KLHL32: variants seen among roughly 807,000 people sequenced by gnomAD.
KLHL32 encodes kelch like family member 32.
A neutral mutation model predicts 64.8 loss-of-function variants in KLHL32; 35 were observed. That is an observed-to-expected ratio of 0.54 (90% CI 0.41 to 0.72). The LOEUF is 0.72. KLHL32 is among the 30% of genes least tolerant of loss of function. The pLI is 0.00. For synonymous variants in KLHL32, 259 were observed against 281.0 expected (o/e 0.92, Z 0.78); for missense variants, 589 against 768.5 (o/e 0.77, Z 2.76).
At chr6:97,024,216 A>G (rs1398878260) in intron 3 of KLHL32, among the ~76,000 whole-genome samples, 1 of 152,216 alleles carries the variant, frequency 6.6e-6, no homozygotes, top group Admixed American at 6.5e-5. Context: ...GGCATTTTAT[A>G]AACGGGCTGT....
chr6:97,095,867 A>T (rs1461269139), intron 6 of KLHL32, among the ~76,000 whole-genome samples: 1 of 152,202 alleles, frequency 6.6e-6, no homozygotes, highest in Non-Finnish European at 1.5e-5. Flanking sequence ...CTGTCTTCTG[A>T]AAAACAAAAC....
chr6:97,129,926 C>T (rs947208929), intron 8 of KLHL32, among the ~76,000 whole-genome samples: 2 of 151,942 alleles, frequency 1.3e-5, no homozygotes, highest in South Asian at 4.1e-4. Context: ...AGTCTTCCAC[C>T]AAAACAAATA....
chr6:97,103,836 A>G (rs1347352357), intron 6 of KLHL32, among the ~76,000 whole-genome samples: 1 of 152,222 alleles, frequency 6.6e-6, no homozygotes, highest in Non-Finnish European at 1.5e-5. Flanking sequence ...GAAACCTGTG[A>G]CTTGGGTACT....
chr6:97,013,909 G>T (rs1780745603), intron 3 of KLHL32, among the ~76,000 whole-genome samples: 1 of 152,146 alleles, frequency 6.6e-6, no homozygotes, highest in Admixed American at 6.5e-5. Flanking sequence ...TAAATTTGTT[G>T]TCCTAAAGTT....
intron 3 of KLHL32, among the ~76,000 whole-genome samples, chr6:97,032,328 G>A (rs989881250): frequency 6.6e-6 from 1 of 152,038 alleles, no homozygotes; most frequent in Non-Finnish European, 1.5e-5. Flanking sequence ...TAATTGTATT[G>A]ATATAAAATG....
At chr6:96,979,970 T>G (rs1468095651) in intron 3 of KLHL32, among the ~76,000 whole-genome samples, 1 of 149,126 alleles carries the variant, frequency 6.7e-6, no homozygotes, top group Non-Finnish European at 1.5e-5. Context: ...TTGGATGTTG[T>G]TGGTGTATAG....
chr6:96,903,792 G>A, the KLHL32 span, among the ~76,000 whole-genome samples: 6 of 152,156 alleles, frequency 3.9e-5, no homozygotes, highest in Non-Finnish European at 5.9e-5. Context: ...TTAGCTAACA[G>A]GGAATAGAAG....
At chr6:96,955,893 C>T (rs1053577635) in intron 1 of KLHL32, among the ~76,000 whole-genome samples, 14 of 152,158 alleles carry the variant, frequency 9.2e-5, no homozygotes, top group African/African-American at 3.1e-4. Context: ...GCCAAGATTG[C>T]ACCACTGCAC....
chr6:97,096,457 A>G (rs753036704), intron 6 of KLHL32, among the ~76,000 whole-genome samples: 10 of 152,248 alleles, frequency 6.6e-5, no homozygotes, highest in Non-Finnish European at 1.0e-4. Context: ...AAGCGTATAT[A>G]TTCCATTCAT....
At chr6:97,021,349 C>T (rs900932863) in intron 3 of KLHL32, among the ~76,000 whole-genome samples, 1 of 150,684 alleles carries the variant, frequency 6.6e-6, no homozygotes, top group African/African-American at 2.5e-5. Flanking sequence ...AAGCCTGAGA[C>T]CCAGGAGAGC....
chr6:97,073,319 GT>G (rs1791054500), intron 5 of KLHL32, among the ~76,000 whole-genome samples: 1 of 152,066 alleles, frequency 6.6e-6, no homozygotes, highest in African/African-American at 2.4e-5. Flanking sequence ...TGCATACATT[GT>G]TTTTTAGAAG....
intron 6 of KLHL32, among the ~76,000 whole-genome samples, chr6:97,098,001 T>C (rs1328550377): frequency 6.6e-6 from 1 of 152,184 alleles, no homozygotes; most frequent in Non-Finnish European, 1.5e-5. Flanking sequence ...TTACCCTCCT[T>C]CTTGGCAAAC....
chr6:96,940,109 A>G (rs368816167), intron 1 of KLHL32, among the ~76,000 whole-genome samples: 13 of 152,160 alleles, frequency 8.5e-5, no homozygotes, highest in African/African-American at 3.1e-4. Flanking sequence ...TGTTGGTGCC[A>G]TTTATATGGG....
chr6:97,131,351 G>A (rs1799422963), intron 9 of KLHL32, among the ~76,000 whole-genome samples: 1 of 152,104 alleles, frequency 6.6e-6, no homozygotes, highest in African/African-American at 2.4e-5. Flanking sequence ...CAGGAGTTTA[G>A]GAGCATGGTC....
rs142614641 is a variant in KLHL32 at position 97,132,218 on chromosome 6, C to T, written c.1607-435C>T. Among the ~76,000 whole-genome samples the T allele has an allele frequency of 4.7e-3, 708 of 152,244 alleles. 4 individuals carry two copies. Among genetic ancestry groups the T allele is most frequent in the Non-Finnish European group, 5.8e-3 (396 of 68,022 alleles). The stretch of plus-strand genomic sequence containing the variant: ...TTTGGGGCATGCTAGGGGCATGGCT[C>T]TGCTTTATTGGCTTCTTGGGGTTGC... On this transcript the variant is annotated intron_variant, in intron 9 of 10. Transcript: ENST00000369261.
chr6:96,954,771 C>T (rs563803776), intron 1 of KLHL32, among the ~76,000 whole-genome samples: 30 of 152,226 alleles, frequency 2.0e-4, no homozygotes, highest in East Asian at 7.7e-4. Flanking sequence ...TGGGATGAGA[C>T]GGACAGTAAC....
In KLHL32 at chr6:97,101,166, G is replaced by C. The variant is rs60892041; in HGVS notation, c.628-12617G>C. Among the ~76,000 whole-genome samples, 1,220 of 151,932 alleles carry C rather than the reference G, an allele frequency of 8.0e-3. 17 individuals are homozygous for C. Among genetic ancestry groups the C allele is most frequent in the African/African-American group, 0.027 (1,136 of 41,448 alleles). ...ATATTCAAAGGCCTAATGCTCTCAG[G>C]ATGCATGTTTACAAATTAAACAGTT... On this transcript the variant is annotated intron_variant, in intron 6 of 10. Coordinates refer to ENST00000369261, the MANE Select transcript of KLHL32 (RefSeq NM_052904.4).
At chr6:97,079,209 G>A (rs916239867) in intron 5 of KLHL32, among the ~76,000 whole-genome samples, 2 of 152,116 alleles carry the variant, frequency 1.3e-5, no homozygotes, top group South Asian at 4.1e-4. Context: ...TTTATTAGTA[G>A]TTCCTGCATA....
At chr6:96,934,611 G>A (rs60158214) in intron 1 of KLHL32, among the ~76,000 whole-genome samples, 3,492 of 152,314 alleles carry the variant, frequency 0.023, 91 homozygotes, top group African/African-American at 0.065. Flanking sequence ...TGAAACAGAG[G>A]TTATCATTTT....
Sources: allele counts gnomAD v4.1 joint callset (sites outside exome capture counted in the v4.1 genomes callset), GRCh38; gene constraint gnomAD v4.1.1; transcripts MANE v1.5; gene names NCBI Gene and HGNC (gene_info 2026-07-23, HGNC 2026-07-21).